Variants in RBFOX1 observed in about 807,000 individuals in gnomAD.
RBFOX1 encodes the protein RNA binding fox-1 homolog 1.
Under a neutral mutation model 57.7 loss-of-function variants are expected in RBFOX1, and 8 were observed. The ratio of observed to expected loss-of-function variants is 0.14; its 90% confidence interval spans 0.08 to 0.25. RBFOX1 has a LOEUF of 0.25. Among genes scored for constraint, RBFOX1 ranks in the 10% least tolerant of loss-of-function variants. The pLI, the probability that RBFOX1 is intolerant of heterozygous loss-of-function variation, is 1.00. For synonymous variants in RBFOX1, 326 were observed against 222.4 expected (o/e 1.47, Z -4.15); for missense variants, 611 against 548.5 (o/e 1.11, Z -1.14).
intron 4 of RBFOX1, among the ~76,000 whole-genome samples, chr16:7,113,032 G>C (rs146082583): frequency 5.3e-5 from 8 of 152,258 alleles, no homozygotes; most frequent in African/African-American, 1.9e-4. Flanking sequence ...CATCGAACTG[G>C]AGTCAGAGAA....
intron 4 of RBFOX1, among the ~76,000 whole-genome samples, chr16:5,956,011 C>T (rs1027464623): frequency 6.6e-6 from 1 of 152,100 alleles, no homozygotes; most frequent in African/African-American, 2.4e-5. Context: ...CCTGTAATCC[C>T]AGTACTTTGG....
chr16:5,883,376 T>C (rs2057813643), intron 4 of RBFOX1, among the ~76,000 whole-genome samples: 1 of 152,146 alleles, frequency 6.6e-6, no homozygotes, highest in Non-Finnish European at 1.5e-5. Flanking sequence ...ATCCTATTCC[T>C]CATAATACTT....
At chr16:6,435,431 G>C (rs530582122) in intron 2 of RBFOX1, among the ~76,000 whole-genome samples, 1 of 152,054 alleles carries the variant, frequency 6.6e-6, no homozygotes, top group Non-Finnish European at 1.5e-5. Flanking sequence ...CTCCCGAGTA[G>C]CTGGGACTAT....
chr16:7,234,626 G>A (rs2093677003), intron 4 of RBFOX1, among the ~76,000 whole-genome samples: 1 of 150,098 alleles, frequency 6.7e-6, no homozygotes, highest in African/African-American at 2.5e-5. Flanking sequence ...ATGTTTGTAT[G>A]TGCTTGTGTA....
At chr16:5,587,530 T>C (rs9989370) in intron 2 of RBFOX1, among the ~76,000 whole-genome samples, 44,303 of 151,938 alleles carry the variant, frequency 0.29, 8,263 homozygotes, top group African/African-American at 0.51. Flanking sequence ...CTGGCCAACA[T>C]GGTGAAACCC....
chr16:5,304,188 T>C (rs1421902262), intron 1 of RBFOX1, among the ~76,000 whole-genome samples: 2 of 152,242 alleles, frequency 1.3e-5, no homozygotes, highest in South Asian at 2.1e-4. Context: ...GTGAGTTTTA[T>C]TGGAATCTGT....
chr16:5,263,348 C>G (rs2178182), intron 1 of RBFOX1, among the ~76,000 whole-genome samples: 152,176 of 152,244 alleles, frequency 1, 76,054 homozygotes, highest in Middle Eastern at 1. Context: ...CAACCTAATG[C>G]GATGCAAACT....
chr16:6,917,361 C>A (rs1017427645), intron 3 of RBFOX1, among the ~76,000 whole-genome samples: 1 of 152,160 alleles, frequency 6.6e-6, no homozygotes, highest in Admixed American at 6.5e-5. Flanking sequence ...TGGGATTGCA[C>A]ATGAAATGAA....
intron 4 of RBFOX1, among the ~76,000 whole-genome samples, chr16:7,092,305 A>G (rs145178511): frequency 0.011 from 1,645 of 152,340 alleles, 17 homozygotes; most frequent in Non-Finnish European, 0.016. Flanking sequence ...GCCTGTATCA[A>G]TTGTAAAACA....
intron 1 of RBFOX1, among the ~76,000 whole-genome samples, chr16:6,192,012 A>T (rs1209317644): frequency 6.6e-6 from 1 of 152,186 alleles, no homozygotes; most frequent in East Asian, 1.9e-4. Context: ...TTGAGGAAGA[A>T]GGTCATGGAA....
intron 3 of RBFOX1, among the ~76,000 whole-genome samples, chr16:6,979,516 A>G (rs1308683992): frequency 6.6e-6 from 1 of 152,210 alleles, no homozygotes; most frequent in Non-Finnish European, 1.5e-5. Flanking sequence ...GTTGTAGTTA[A>G]TTAAAATGAA....
At chr16:6,652,969 G>A (rs924601193) in intron 2 of RBFOX1, among the ~76,000 whole-genome samples, 3 of 152,146 alleles carry the variant, frequency 2.0e-5, no homozygotes, top group African/African-American at 7.2e-5. Context: ...TCAAAATAAA[G>A]TAAACATCTC....
At chr16:7,265,578 A>C (rs982654329) in intron 4 of RBFOX1, among the ~76,000 whole-genome samples, 1 of 152,024 alleles carries the variant, frequency 6.6e-6, no homozygotes, top group African/African-American at 2.4e-5. Flanking sequence ...CCTCCCGAGT[A>C]GCTAGGATTA....
chr16:5,387,306 C>T (rs994822970), intron 1 of RBFOX1, among the ~76,000 whole-genome samples: 23 of 152,140 alleles, frequency 1.5e-4, no homozygotes, highest in African/African-American at 5.3e-4. Flanking sequence ...ATTCTTCCAC[C>T]CCCACCTGTA....
chr16:6,033,609 C>T (rs12918809), intron 1 of RBFOX1, among the ~76,000 whole-genome samples: 3 of 152,158 alleles, frequency 2.0e-5, no homozygotes, highest in East Asian at 1.9e-4. Flanking sequence ...TGTGTGCACA[C>T]GCACGTGTAT....
chr16:5,679,719 A>G (rs1227057080), intron 3 of RBFOX1, among the ~76,000 whole-genome samples: 1 of 152,238 alleles, frequency 6.6e-6, no homozygotes, highest in Non-Finnish European at 1.5e-5. Context: ...GGTGATTAAA[A>G]TAATGGGCTT....
At chr16:6,195,239 A>G (rs1241578841) in intron 1 of RBFOX1, among the ~76,000 whole-genome samples, 4 of 152,118 alleles carry the variant, frequency 2.6e-5, no homozygotes, top group Non-Finnish European at 4.4e-5. Flanking sequence ...CATCTTGGCA[A>G]TGTTTAGAGT....
Position 7,542,802 on chromosome 16 carries a change from ACTGT to A in RBFOX1, c.270+24417_270+24420del, listed in dbSNP as rs1475199242. ...GAATCAATTGAACCTGGGAGGCAAG[ACTGT>A]CTGAGGAAAAAAAAAATAGAGGAAC... On this transcript the variant is annotated intron_variant, in intron 5 of 15. Coordinates refer to ENST00000550418, the MANE Select transcript of RBFOX1 (RefSeq NM_018723.4). Among the ~76,000 whole-genome samples the A allele has an allele frequency of 2.9e-4, 28 of 96,036 alleles. 2 individuals carry two copies. In the South Asian group the frequency reaches 5.3e-3, roughly 18 times the overall value. 63.0% of individuals were successfully genotyped at this position (96,036 alleles called of 152,430 possible). A position where few individuals can be genotyped will look rare whatever the true frequency, so the allele number is the denominator to read the frequency against.
At chr16:5,973,001 A>G (rs932048510) in intron 4 of RBFOX1, among the ~76,000 whole-genome samples, 1 of 152,210 alleles carries the variant, frequency 6.6e-6, no homozygotes, top group African/African-American at 2.4e-5. Flanking sequence ...AATGGATGAA[A>G]CATGCCTGCC....
Sources: gnomAD v4.1 joint callset for allele counts (sites outside exome capture counted in the v4.1 genomes callset) on GRCh38, gnomAD v4.1.1 for gene constraint, MANE v1.5 for transcripts, NCBI Gene and HGNC (gene_info 2026-07-23, HGNC 2026-07-21) for gene names.